Variants in NLGN1 observed in about 807,000 individuals in gnomAD.
NLGN1 encodes the protein neuroligin-1.
NLGN1 carries 12 observed loss-of-function variants against 65.5 expected under a neutral mutation model. That is an observed-to-expected ratio of 0.18 (90% CI 0.12 to 0.30). The LOEUF (loss-of-function observed/expected upper bound fraction) is 0.30, where lower values mean the gene tolerates loss of function less well. Ranked by LOEUF, NLGN1 falls within the 10% of genes least tolerant of loss-of-function variation. NLGN1 has a pLI of 1.00. For synonymous variants in NLGN1, 350 were observed against 359.5 expected, an observed-to-expected ratio of 0.97 and a Z score of 0.30; for missense variants, 750 against 1,007.1, an observed-to-expected ratio of 0.74 and a Z score of 3.46.
intron 3 of NLGN1, among the ~76,000 whole-genome samples, chr3:173,609,724 G>C (rs1174685977): frequency 1.3e-5 from 2 of 151,912 alleles, no homozygotes; most frequent in African/African-American, 2.4e-5. Context: ...TTTCCTGCTT[G>C]TATAAAGCTT....
intron 3 of NLGN1, among the ~76,000 whole-genome samples, chr3:173,664,874 A>G (rs543984959): frequency 1.4e-3 from 213 of 152,184 alleles, no homozygotes; most frequent in African/African-American, 5.0e-3. Context: ...ATTATTTTAT[A>G]TGTGTTTGTA....
intron 3 of NLGN1, among the ~76,000 whole-genome samples, chr3:173,668,920 G>A (rs911956024): frequency 1.2e-4 from 18 of 152,130 alleles, no homozygotes; most frequent in African/African-American, 4.1e-4. Flanking sequence ...CACTGCACCA[G>A]GCCAGTTTCT....
At chr3:173,793,178 G>T (rs1316710125) in intron 3 of NLGN1, among the ~76,000 whole-genome samples, 1 of 152,050 alleles carries the variant, frequency 6.6e-6, no homozygotes, top group Non-Finnish European at 1.5e-5. Flanking sequence ...AATGGATTGG[G>T]AGAGAGTCTG....
chr3:173,474,924 C>T (rs1393086156), intron 2 of NLGN1, among the ~76,000 whole-genome samples: 1 of 151,904 alleles, frequency 6.6e-6, no homozygotes, highest in Non-Finnish European at 1.5e-5. Context: ...CGCCACTGCA[C>T]TCCAGCCTGG....
chr3:173,939,721 T>G (rs1745671840), intron 4 of NLGN1, among the ~76,000 whole-genome samples: 1 of 152,224 alleles, frequency 6.6e-6, no homozygotes, highest in African/African-American at 2.4e-5. Context: ...TAATAGAGAA[T>G]TCAATGCTTG....
chr3:173,815,830 C>T (rs1375010726), intron 4 of NLGN1, among the ~76,000 whole-genome samples: 2 of 152,092 alleles, frequency 1.3e-5, no homozygotes, highest in Admixed American at 1.3e-4. Flanking sequence ...ACCAACCCTT[C>T]CATGTAGATG....
At chr3:174,066,677 A>T (rs564114140) in intron 4 of NLGN1, among the ~76,000 whole-genome samples, 4 of 151,912 alleles carry the variant, frequency 2.6e-5, no homozygotes, top group African/African-American at 9.7e-5. Flanking sequence ...TATGTATTAC[A>T]TGATCTAAAG....
intron 2 of NLGN1, among the ~76,000 whole-genome samples, chr3:173,450,860 C>T (rs1721368884): frequency 6.6e-6 from 1 of 152,196 alleles, no homozygotes; most frequent in Non-Finnish European, 1.5e-5. Context: ...GCGTCGGTTA[C>T]TGAGGCTTGT....
chr3:174,174,894 T>C (rs1729168423), intron 4 of NLGN1, among the ~76,000 whole-genome samples: 2 of 152,042 alleles, frequency 1.3e-5, no homozygotes, highest in Non-Finnish European at 2.9e-5. Flanking sequence ...CCTTCTTAAT[T>C]TCTGAATTGA....
At chr3:173,978,368 T>C (rs1717992930) in intron 4 of NLGN1, among the ~76,000 whole-genome samples, 1 of 152,074 alleles carries the variant, frequency 6.6e-6, no homozygotes, top group South Asian at 2.1e-4. Flanking sequence ...GAGGGAAATT[T>C]TTAGTTTAGT....
intron 2 of NLGN1, among the ~76,000 whole-genome samples, chr3:173,500,835 T>C (rs115611785): frequency 6.6e-6 from 1 of 152,090 alleles, no homozygotes; most frequent in Non-Finnish European, 1.5e-5. Flanking sequence ...TATCCTGGGC[T>C]TATGCTTCAC....
intron 2 of NLGN1, among the ~76,000 whole-genome samples, chr3:173,458,642 C>T (rs1722883503): frequency 1.3e-5 from 2 of 152,228 alleles, no homozygotes; most frequent in African/African-American, 4.8e-5. Flanking sequence ...AGTTCCTCAT[C>T]ACCCACTCTC....
intron 4 of NLGN1, among the ~76,000 whole-genome samples, chr3:174,096,737 A>T (rs114508817): frequency 6.6e-6 from 1 of 152,260 alleles, no homozygotes; most frequent in African/African-American, 2.4e-5. Flanking sequence ...ATTTTTGAGA[A>T]ATCATATTGA....
Position 173,663,076 on chromosome 3 carries a change from G to A in NLGN1, c.493+57985G>A, listed in dbSNP as rs151297470. On this transcript the variant is annotated intron_variant, in intron 3 of 6. Coordinates refer to ENST00000457714, the Ensembl canonical transcript of NLGN1. ...TATTTTCCATTTCAAAATTCAGTGG[G>A]ATAGATGGTAAATGCATGGACTTTG... Among the ~76,000 whole-genome samples, 284 of 152,032 alleles carry A rather than the reference G, an allele frequency of 1.9e-3. 2 individuals are homozygous for A. Among genetic ancestry groups the A allele is most frequent in the Admixed American group, 1.4e-3 (21 of 15,230 alleles).
chr3:173,643,744 C>G (rs1023355962), intron 3 of NLGN1, among the ~76,000 whole-genome samples: 2 of 152,150 alleles, frequency 1.3e-5, no homozygotes, highest in Non-Finnish European at 2.9e-5. Context: ...AAACAAGACT[C>G]TTACTCACTG....
At chr3:173,790,251 C>T (rs6762797) in intron 3 of NLGN1, among the ~76,000 whole-genome samples, 6,355 of 151,852 alleles carry the variant, frequency 0.042, 443 homozygotes, top group African/African-American at 0.15. Flanking sequence ...TTTTAACTAC[C>T]ATTCTATTAT....
chr3:174,255,749 C>T (rs1745629913), intron 4 of NLGN1, among the ~76,000 whole-genome samples: 2 of 149,770 alleles, frequency 1.3e-5, no homozygotes, highest in South Asian at 4.2e-4. Flanking sequence ...ACCTCTGATT[C>T]CTGGGCTCAA....
In NLGN1 at chr3:174,229,012, T is replaced by C. The variant is rs1577463665; in HGVS notation, c.647-46303T>C. Among the ~76,000 whole-genome samples, 4 of 152,238 alleles carry C rather than the reference T, an allele frequency of 2.6e-5. No individual in the cohort carries two copies. In the South Asian group the frequency reaches 8.3e-4, roughly 32 times the overall value. On this transcript the variant is annotated intron_variant, in intron 4 of 6. Coordinates refer to ENST00000457714, the Ensembl canonical transcript of NLGN1. ...GATGCCACAGTGTTGTATTTCAAGG[T>C]ACAGACTTAAGTCTCAAATTGCCTG... is the stretch of plus-strand genomic sequence containing the variant.
intron 4 of NLGN1, among the ~76,000 whole-genome samples, chr3:174,028,581 C>T (rs749911518): frequency 2.0e-5 from 3 of 152,158 alleles, no homozygotes; most frequent in African/African-American, 4.8e-5. Context: ...CTGTTAACAG[C>T]ATTCAGTTTT....
Sources: allele counts gnomAD v4.1 joint callset (sites outside exome capture counted in the v4.1 genomes callset), GRCh38; gene constraint gnomAD v4.1.1; transcripts MANE v1.5; gene names NCBI Gene and HGNC (gene_info 2026-07-23, HGNC 2026-07-21).